CCDC170: variants seen among roughly 807,000 people sequenced by gnomAD.
CCDC170 encodes coiled-coil domain-containing protein 170.
In CCDC170, 69 loss-of-function variants were observed where a neutral mutation model predicts 72.6. The observed-to-expected ratio is 0.95, with a 90% confidence interval of 0.78 to 1.16. CCDC170 has a LOEUF of 1.16. Among genes scored for constraint, CCDC170 ranks in the 50% most tolerant of loss-of-function variants. CCDC170 has a pLI of 0.00. For missense variants in CCDC170, 852 were observed against 832.5 expected, an observed-to-expected ratio of 1.02 and a Z score of -0.29; for synonymous variants, 300 against 303.9, an observed-to-expected ratio of 0.99 and a Z score of 0.13.
intron 7 of CCDC170, among the ~76,000 whole-genome samples, chr6:151,589,249 T>TTAAAA (rs1355277491): frequency 7.3e-6 from 1 of 137,840 alleles, no homozygotes; most frequent in Admixed American, 7.5e-5. Flanking sequence ...AGACTCCCTC[T>TTAAAA]CAAAACAAAC....
chr6:151,510,247 C>A (rs1782129373), intron 1 of CCDC170, among the ~76,000 whole-genome samples: 1 of 152,292 alleles, frequency 6.6e-6, no homozygotes, highest in Non-Finnish European at 1.5e-5. Flanking sequence ...ATTCATTCCT[C>A]AAATATTTAC....
At position 151,547,901 on chromosome 6, in the gene CCDC170, G is replaced by A. The variant is rs1217217950; in HGVS notation, c.589-403G>A. The stretch of plus-strand genomic sequence containing the variant: ...GAATATTTTTTTAAAAAGCATGGCC[G>A]TGTGTTCTCTGTATTTCCTCCAGTG... On this transcript the variant is annotated intron_variant, in intron 4 of 10. Transcript: ENST00000239374. Among the ~76,000 whole-genome samples, 7 of 152,224 alleles carry A rather than the reference G, an allele frequency of 4.6e-5. No individual in the cohort carries two copies. The East Asian group carries it at 9.7e-4, about 21-fold the overall frequency.
chr6:151,610,763 C>T lies in CCDC170; in HGVS notation c.1711-4680C>T, dbSNP rs938123803. On this transcript the variant is annotated intron_variant, in intron 9 of 10. Coordinates refer to ENST00000239374, the MANE Select transcript of CCDC170 (RefSeq NM_025059.4). ...CTTAGTGGGTGCCATTTCCCTGTCT[C>T]AGGTGCCTGCTCTACTGGTGATATT... Among the ~76,000 whole-genome samples, 6 of 152,228 alleles carry T rather than the reference C, an allele frequency of 3.9e-5. No individual in the cohort carries two copies. In the East Asian group the frequency reaches 1.2e-3, roughly 29 times the overall value.
intron 5 of CCDC170, among the ~76,000 whole-genome samples, chr6:151,563,038 C>T (rs1283599641): frequency 2.6e-5 from 4 of 152,170 alleles, no homozygotes; most frequent in South Asian, 2.1e-4. Context: ...CTGATGACTA[C>T]CACCAAAATG....
intron 5 of CCDC170, among the ~76,000 whole-genome samples, chr6:151,570,322 C>T (rs1261807949): frequency 6.6e-6 from 1 of 152,128 alleles, no homozygotes; most frequent in Non-Finnish European, 1.5e-5. Flanking sequence ...TTTAGGACCT[C>T]AATTTTCTAA....
Position 151,519,362 on chromosome 6 carries a change from C to T in CCDC170, c.58-16956C>T, listed in dbSNP as rs570098993. ...AAAATATGGCTCTATTCTGCCCGACCCCGCAGGCAGTCAGACCCTATGGTT... is the reference window on the plus strand; with the variant it reads ...AAAATATGGCTCTATTCTGCCCGACTCCGCAGGCAGTCAGACCCTATGGTT... On this transcript the variant is annotated intron_variant, in intron 1 of 10. Coordinates refer to ENST00000239374, the MANE Select transcript of CCDC170 (RefSeq NM_025059.4). Among the ~76,000 whole-genome samples, 7 of 152,304 alleles carry T rather than the reference C, an allele frequency of 4.6e-5. No individual in the cohort carries two copies. In the East Asian group the frequency reaches 7.7e-4, roughly 17 times the overall value.
chr6:151,574,356 C>T (rs887548227), intron 6 of CCDC170, among the ~76,000 whole-genome samples: 1 of 152,242 alleles, frequency 6.6e-6, no homozygotes, highest in African/African-American at 2.4e-5. Flanking sequence ...TGTACATTCA[C>T]TCACTGTCCA....
chr6:151,617,396 T>A (rs1776984939), intron 10 of CCDC170, among the ~76,000 whole-genome samples: 1 of 140,578 alleles, frequency 7.1e-6, no homozygotes, highest in Admixed American at 7.2e-5. Flanking sequence ...TTATACTTTC[T>A]TGCTGTTTGT....
intron 1 of CCDC170, among the ~76,000 whole-genome samples, chr6:151,531,759 A>G (rs1306641477): frequency 6.6e-6 from 1 of 152,176 alleles, no homozygotes; most frequent in Non-Finnish European, 1.5e-5. Context: ...GAAACTTACA[A>G]TCATGGCAGA....
intron 1 of CCDC170, among the ~76,000 whole-genome samples, chr6:151,520,311 T>A (rs1052890602): frequency 1.3e-5 from 2 of 152,208 alleles, no homozygotes; most frequent in African/African-American, 4.8e-5. Context: ...CAGTGGGAAC[T>A]GTGATCGGCA....
intron 9 of CCDC170, among the ~76,000 whole-genome samples, chr6:151,597,505 A>G (rs1776644506): frequency 6.6e-6 from 1 of 152,224 alleles, no homozygotes; most frequent in African/African-American, 2.4e-5. Flanking sequence ...GTGATGATGC[A>G]GGGATTAATC....
intron 9 of CCDC170, among the ~76,000 whole-genome samples, chr6:151,605,905 T>G (rs1380318398): frequency 6.8e-6 from 1 of 146,314 alleles, no homozygotes. Flanking sequence ...TGCCGCCATT[T>G]TTTTTTTTTT....
At chr6:151,591,813 A>C (rs543457371) in intron 7 of CCDC170, among the ~76,000 whole-genome samples, 1 of 152,252 alleles carries the variant, frequency 6.6e-6, no homozygotes, top group African/African-American at 2.4e-5. Context: ...AAAAATTTTA[A>C]AGAAATTTTC....
intron 8 of CCDC170, among the ~76,000 whole-genome samples, chr6:151,594,745 G>A (rs947883911): frequency 2.6e-5 from 4 of 151,282 alleles, no homozygotes; most frequent in African/African-American, 4.9e-5. Flanking sequence ...TCTGCCTCCC[G>A]GGTTCAGGTG....
intron 9 of CCDC170, among the ~76,000 whole-genome samples, chr6:151,613,592 A>C (rs1433346177): frequency 6.6e-6 from 1 of 152,166 alleles, no homozygotes; most frequent in Admixed American, 6.5e-5. Context: ...ATAATAGAAT[A>C]TGTGTTTTTT....
intron 5 of CCDC170, among the ~76,000 whole-genome samples, chr6:151,554,588 G>A (rs1378537473): frequency 4.6e-5 from 7 of 152,194 alleles, no homozygotes; most frequent in Non-Finnish European, 8.8e-5. Flanking sequence ...AGCCAAGCGT[G>A]TGGTGGGCAC....
rs565748051 is a variant in CCDC170 at position 151,609,788 on chromosome 6, C to T, written c.1711-5655C>T. On this transcript the variant is annotated intron_variant, in intron 9 of 10. Transcript: ENST00000239374. ...CACCACTATTGGCTCCCTGTTCTGC[C>T]CTGGTGGCTTGGCTCGGAGCTCCAT... Among the ~76,000 whole-genome samples, 10 of 152,286 alleles carry T rather than the reference C, an allele frequency of 6.6e-5. No homozygotes were observed. The East Asian group carries it at 1.9e-3, about 29-fold the overall frequency.
chr6:151,563,475 C>T (rs780706363), intron 5 of CCDC170, among the ~76,000 whole-genome samples: 5 of 152,190 alleles, frequency 3.3e-5, no homozygotes, highest in Non-Finnish European at 7.3e-5. Flanking sequence ...GATGCAGCTG[C>T]TCCTTGGGGC....
At chr6:151,518,011 A>C (rs995158006) in intron 1 of CCDC170, among the ~76,000 whole-genome samples, 3 of 151,854 alleles carry the variant, frequency 2.0e-5, no homozygotes, top group African/African-American at 7.3e-5. Context: ...TCAAAAATCC[A>C]GGCCTTTTGC....
Sources: allele counts gnomAD v4.1 joint callset (sites outside exome capture counted in the v4.1 genomes callset), GRCh38; gene constraint gnomAD v4.1.1; transcripts MANE v1.5; gene names NCBI Gene and HGNC (gene_info 2026-07-23, HGNC 2026-07-21).